The following PUDP variants were observed in gnomAD, a reference collection of about 807,000 sequenced individuals.
The protein encoded by PUDP is pseudouridine 5'-phosphatase.
In PUDP, 8 loss-of-function variants were observed where a neutral mutation model predicts 9.4. The ratio of observed to expected loss-of-function variants is 0.85; its 90% confidence interval spans 0.50 to 1.53. PUDP has a LOEUF of 1.53. PUDP is among the 40% of genes most tolerant of loss of function. PUDP has a pLI of 0.00. For missense variants in PUDP, 188 were observed against 189.7 expected (o/e 0.99, Z 0.05); for synonymous variants, 99 against 80.7 (o/e 1.23, Z -1.22).
chrX:7,144,593 TG>T (rs1932829395), intron 1 of PUDP, among the ~76,000 whole-genome samples: 1 of 110,261 alleles, frequency 9.1e-6, no homozygotes, highest in African/African-American at 3.3e-5. Flanking sequence ...CCCCAGACAG[TG>T]AGGCAGGCAC....
chrX:6,994,111 T>C (rs1205231314), intron 1 of PUDP, among the ~76,000 whole-genome samples: 2 of 111,976 alleles, frequency 1.8e-5, no homozygotes, highest in Non-Finnish European at 3.8e-5. Flanking sequence ...TGGAAAACAA[T>C]GAAGAAAAGG....
At chrX:6,886,387 T>C (rs1377004654) in intron 3 of PUDP, among the ~76,000 whole-genome samples, 4 of 111,949 alleles carry the variant, frequency 3.6e-5, no homozygotes, top group Non-Finnish European at 7.5e-5. Flanking sequence ...AACAGTAAAG[T>C]AGGTTAATTT....
rs571282782 is a variant in PUDP, at chrX:6,869,736, TA to T, written c.*247+107396del. Among the ~76,000 whole-genome samples the T allele has an allele frequency of 3.7e-5, 4 of 107,246 alleles. No individual in the cohort carries two copies. The South Asian group carries it at 1.2e-3, about 33-fold the overall frequency. The allele number at this position is 107,246 out of a possible 115,157, so 93.1% of individuals were successfully genotyped here. A position where few individuals can be genotyped will look rare whatever the true frequency, so the allele number is the denominator to read the frequency against. On this transcript the variant is annotated intron_variant and NMD_transcript_variant, in intron 3 of 3. Transcript: ENST00000655425. ...ACACACCCATTAGCATGACTACTATTAAAAAAAAAATTACCCAGAAGGTAAC... is the reference window on the plus strand; with the variant it reads ...ACACACCCATTAGCATGACTACTATTAAAAAAAAATTACCCAGAAGGTAAC...
At chrX:7,105,891 T>A in intron 1 of PUDP, 53 bp from the exon 2 acceptor site, 2 of 861,231 alleles carry the variant, frequency 2.3e-6, no homozygotes, top group Non-Finnish European at 3.3e-6. Context: ...GAACAGTAAG[T>A]TTGTATCAGG....
rs914999746 is a variant in PUDP, at chrX:6,751,697, G to A, written c.*248-45231C>T. Among the ~76,000 whole-genome samples, 3 of 111,221 alleles carry A rather than the reference G, an allele frequency of 2.7e-5. No homozygotes were observed. In the East Asian group the frequency reaches 8.4e-4, roughly 31 times the overall value. On this transcript the variant is annotated intron_variant and NMD_transcript_variant, in intron 3 of 3. Coordinates refer to the PUDP transcript ENST00000655425. ...AAATATAAAACTCATTATCGGCCAC[G>A]CTTAGGTAAATATTTCTCCTCACTT... is the stretch of plus-strand genomic sequence containing the variant.
At chrX:6,972,231 C>T (rs1033032512) in intron 3 of PUDP, among the ~76,000 whole-genome samples, 1 of 111,891 alleles carries the variant, frequency 8.9e-6, no homozygotes, top group African/African-American at 3.3e-5. Flanking sequence ...CTGGCCAGAA[C>T]TTCCAATATG....
intron 2 of PUDP, among the ~76,000 whole-genome samples, chrX:7,095,883 A>G (rs1336110122): frequency 8.9e-6 from 1 of 112,372 alleles, no homozygotes; most frequent in East Asian, 2.8e-4. Flanking sequence ...ACGGAACAAG[A>G]GATGTGACTG....
intron 3 of PUDP, among the ~76,000 whole-genome samples, chrX:6,814,644 GT>G (rs560942691): frequency 9.0e-6 from 1 of 110,990 alleles, no homozygotes; most frequent in African/African-American, 3.3e-5. Context: ...AAGAAAATGT[GT>G]TTTTTTTGCT....
At chrX:6,852,316 T>A (rs1271298654) in intron 3 of PUDP, among the ~76,000 whole-genome samples, 4 of 112,430 alleles carry the variant, frequency 3.6e-5, no homozygotes, top group Non-Finnish European at 7.5e-5. Flanking sequence ...TAAGATCAAC[T>A]TTGCAAGGCC....
At chrX:6,928,667 G>A (rs1247532962) in intron 3 of PUDP, among the ~76,000 whole-genome samples, 1 of 111,430 alleles carries the variant, frequency 9.0e-6, no homozygotes, top group East Asian at 2.8e-4. Context: ...GGCCGAGGAG[G>A]GTGAATTGCT....
chrX:7,137,132 T>C (rs1932756948), intron 1 of PUDP, among the ~76,000 whole-genome samples: 1 of 108,138 alleles, frequency 9.2e-6, no homozygotes, highest in Admixed American at 9.9e-5. Flanking sequence ...TCCCAGCTAC[T>C]AGGGAGGCTA....
chrX:6,887,161 T>G (rs1182781528), intron 3 of PUDP, among the ~76,000 whole-genome samples: 1 of 105,414 alleles, frequency 9.5e-6, no homozygotes, highest in Admixed American at 1.1e-4. Flanking sequence ...TTAATTTAAT[T>G]TATTTATAAT....
At chrX:7,060,944 G>A (rs1393709572) in intron 3 of PUDP, among the ~76,000 whole-genome samples, 2 of 111,988 alleles carry the variant, frequency 1.8e-5, no homozygotes, top group East Asian at 5.6e-4. Context: ...ACCTGTGAGG[G>A]CAACACAGGG....
intron 1 of PUDP, among the ~76,000 whole-genome samples, chrX:6,980,086 CTCT>C (rs1474557491): frequency 4.7e-5 from 5 of 107,178 alleles, no homozygotes; most frequent in East Asian, 5.9e-4. Context: ...CTCTTCTCTT[CTCT>C]TCTTCTTCTT....
chrX:6,953,160 T>G (rs1340540483), intron 3 of PUDP, among the ~76,000 whole-genome samples: 1 of 112,002 alleles, frequency 8.9e-6, no homozygotes, highest in Non-Finnish European at 1.9e-5. Context: ...CTTGTTTAGT[T>G]TTGACCATGA....
chrX:6,781,681 T>C (rs1448866373), intron 3 of PUDP, among the ~76,000 whole-genome samples: 1 of 112,316 alleles, frequency 8.9e-6, no homozygotes, highest in African/African-American at 3.2e-5. Flanking sequence ...ATCCTTTGCC[T>C]CCTTTGTAAA....
intron 1 of PUDP, among the ~76,000 whole-genome samples, chrX:6,715,898 G>A (rs141018738): frequency 0.012 from 1,304 of 111,393 alleles, 18 homozygotes; most frequent in African/African-American, 0.04. Flanking sequence ...GAGAAGCCAG[G>A]CTGAGCTGCC....
intron 3 of PUDP, among the ~76,000 whole-genome samples, chrX:6,907,789 G>A (rs1204982180): frequency 8.9e-6 from 1 of 111,963 alleles, no homozygotes; most frequent in Non-Finnish European, 1.9e-5. Flanking sequence ...CTTCACTGGA[G>A]AGACCAGGAT....
At chrX:6,991,676 C>CA (rs5901333) in intron 1 of PUDP, among the ~76,000 whole-genome samples, 22,288 of 85,522 alleles carry the variant, frequency 0.26, 2,290 homozygotes, top group East Asian at 0.4. Flanking sequence ...GACCTTGTCT[C>CA]AAAAAAAAAA....
Sources: allele counts gnomAD v4.1 joint callset (sites outside exome capture counted in the v4.1 genomes callset), GRCh38; gene constraint gnomAD v4.1.1; transcripts MANE v1.5; gene names NCBI Gene and HGNC (gene_info 2026-07-23, HGNC 2026-07-21).